Variants in PTPRR observed in about 807,000 individuals in gnomAD.
The protein encoded by PTPRR is protein tyrosine phosphatase receptor type R.
In PTPRR, 38 loss-of-function variants were observed where a neutral mutation model predicts 77.2. That is an observed-to-expected ratio of 0.49 (90% CI 0.38 to 0.65). The LOEUF (loss-of-function observed/expected upper bound fraction) is 0.65, where lower values mean the gene tolerates loss of function less well. PTPRR is among the 30% of genes least tolerant of loss of function. The pLI, the probability that PTPRR is intolerant of heterozygous loss-of-function variation, is 0.00. For missense variants in PTPRR, 744 were observed against 799.2 expected (o/e 0.93, Z 0.83); for synonymous variants, 299 against 283.1 (o/e 1.06, Z -0.57).
chr12:70,763,412 G>C (rs766394382), intron 3 of PTPRR, among the ~76,000 whole-genome samples: 11 of 152,162 alleles, frequency 7.2e-5, no homozygotes, highest in Non-Finnish European at 1.3e-4. Context: ...GATTACAGGC[G>C]TGAGCCACCG....
intron 2 of PTPRR, among the ~76,000 whole-genome samples, chr12:70,866,558 A>G (rs2137085150): frequency 6.6e-6 from 1 of 152,338 alleles, no homozygotes; most frequent in South Asian, 2.1e-4. Flanking sequence ...CCAACCAAAA[A>G]AAGTCCAGGA....
At chr12:70,866,020 G>T (rs1892838579) in intron 2 of PTPRR, among the ~76,000 whole-genome samples, 3 of 152,028 alleles carry the variant, frequency 2.0e-5, no homozygotes, top group Non-Finnish European at 4.4e-5. Context: ...GAATCTCTGG[G>T]ACACATTCAA....
intron 6 of PTPRR, among the ~76,000 whole-genome samples, chr12:70,719,752 G>T (rs1034251451): frequency 6.6e-6 from 1 of 152,188 alleles, no homozygotes; most frequent in African/African-American, 2.4e-5. Context: ...GTGACTGCGC[G>T]TCTTCTCTGG....
intron 2 of PTPRR, among the ~76,000 whole-genome samples, chr12:70,844,588 C>T (rs1892452457): frequency 6.6e-6 from 1 of 152,006 alleles, no homozygotes; most frequent in Non-Finnish European, 1.5e-5. Context: ...AGATGTTGGT[C>T]AAGGGCACAA....
At chr12:70,846,764 A>G (rs1303020188) in intron 2 of PTPRR, among the ~76,000 whole-genome samples, 1 of 152,214 alleles carries the variant, frequency 6.6e-6, no homozygotes, top group South Asian at 2.1e-4. Flanking sequence ...TTGATCATGA[A>G]CTTCACAGCC....
intron 2 of PTPRR, among the ~76,000 whole-genome samples, chr12:70,852,327 A>G (rs1892585044): frequency 6.6e-6 from 1 of 152,188 alleles, no homozygotes. Flanking sequence ...TGCATGCTAT[A>G]TGAAAGAAAT....
intron 2 of PTPRR, among the ~76,000 whole-genome samples, chr12:70,801,737 T>C (rs80059769): frequency 0.016 from 2,223 of 139,808 alleles, 60 homozygotes; most frequent in African/African-American, 0.06. Flanking sequence ...CCACTCCTTA[T>C]AATAAATCTA....
At chr12:70,762,661 C>T (rs1330814690) in intron 3 of PTPRR, among the ~76,000 whole-genome samples, 1 of 152,192 alleles carries the variant, frequency 6.6e-6, no homozygotes, top group Non-Finnish European at 1.5e-5. Flanking sequence ...TACCTTAAAT[C>T]TTTTATCTCA....
chr12:70,874,151 C>A (rs1299573305), intron 2 of PTPRR, among the ~76,000 whole-genome samples: 1 of 152,110 alleles, frequency 6.6e-6, no homozygotes, highest in Non-Finnish European at 1.5e-5. Flanking sequence ...AAATATCAAG[C>A]TAAAATCATA....
intron 6 of PTPRR, among the ~76,000 whole-genome samples, chr12:70,725,879 C>T: frequency 6.6e-6 from 1 of 152,104 alleles, no homozygotes; most frequent in East Asian, 1.9e-4. Flanking sequence ...AGGATGAATG[C>T]ACAGCCCTGG....
At chr12:70,799,105 T>C (rs1891568080) in intron 2 of PTPRR, among the ~76,000 whole-genome samples, 1 of 152,112 alleles carries the variant, frequency 6.6e-6, no homozygotes, top group Non-Finnish European at 1.5e-5. Context: ...GAAAGACAAG[T>C]CTAAGATCCG....
intron 13 of PTPRR, among the ~76,000 whole-genome samples, chr12:70,644,680 T>C (rs1886132559): frequency 6.6e-6 from 1 of 152,232 alleles, no homozygotes; most frequent in African/African-American, 2.4e-5. Flanking sequence ...GTTATTGTTA[T>C]TGTTACTCTT....
chr12:70,919,874 G>C (rs1893829519), intron 1 of PTPRR, among the ~76,000 whole-genome samples: 1 of 151,904 alleles, frequency 6.6e-6, no homozygotes, highest in African/African-American at 2.4e-5. Context: ...TTTGGGCGGA[G>C]ATGTGGTCCA....
intron 10 of PTPRR, chr12:70,672,514 C>A (rs1218736205): frequency 2.4e-6 from 3 of 1,245,724 alleles, no homozygotes; most frequent in Non-Finnish European, 3.5e-6. Context: ...GCAAATGAGA[C>A]ATGATGGGAA....
At chr12:70,685,180 A>G (rs1327720781) in intron 8 of PTPRR, among the ~76,000 whole-genome samples, 1 of 152,056 alleles carries the variant, frequency 6.6e-6, no homozygotes, top group Non-Finnish European at 1.5e-5. Flanking sequence ...ATATTTTACT[A>G]TCTCATCTCA....
At chr12:70,869,334 C>T (rs1306252070) in intron 2 of PTPRR, among the ~76,000 whole-genome samples, 1 of 152,090 alleles carries the variant, frequency 6.6e-6, no homozygotes, top group Non-Finnish European at 1.5e-5. Context: ...GTGAAGAGTG[C>T]AGATTGACCT....
At chr12:70,673,025 C>G in intron 10 of PTPRR, 1 of 847,900 alleles carries the variant, frequency 1.2e-6, no homozygotes, top group South Asian at 3.4e-5. Flanking sequence ...ATACGTCGGG[C>G]CAAAGCAAAA....
intron 8 of PTPRR, 89 bp from the exon 9 acceptor site, chr12:70,684,872 G>T: frequency 1.2e-6 from 1 of 817,676 alleles, no homozygotes; most frequent in Non-Finnish European, 1.9e-6. Flanking sequence ...GTAGAAACCT[G>T]TTATGTATTG....
chr12:70,867,388 C>T (rs562498405), intron 2 of PTPRR, among the ~76,000 whole-genome samples: 8 of 152,102 alleles, frequency 5.3e-5, no homozygotes, highest in African/African-American at 1.9e-4. Flanking sequence ...CATTCTTATA[C>T]ACCAATAACA....
Sources: gnomAD v4.1 joint callset for allele counts (sites outside exome capture counted in the v4.1 genomes callset) on GRCh38, gnomAD v4.1.1 for gene constraint, MANE v1.5 for transcripts, NCBI Gene and HGNC (gene_info 2026-07-23, HGNC 2026-07-21) for gene names.